MACROD2: variants seen among roughly 807,000 people sequenced by gnomAD.
MACROD2 encodes the protein ADP-ribose glycohydrolase MACROD2.
In MACROD2, 36 loss-of-function variants were observed where a neutral mutation model predicts 70.4. That is an observed-to-expected ratio of 0.51 (90% CI 0.39 to 0.68). MACROD2 has a LOEUF of 0.68. MACROD2 is among the 30% of genes least tolerant of loss of function. MACROD2 has a pLI of 0.00. For missense variants in MACROD2, 496 were observed against 538.4 expected (o/e 0.92, Z 0.78); for synonymous variants, 172 against 178.8 (o/e 0.96, Z 0.30).
rs190421260 is a variant in MACROD2 at position 14,428,633 on chromosome 20, G to A, written c.272-64846G>A. On this transcript the variant is annotated intron_variant, in intron 3 of 17. Coordinates refer to ENST00000684519, the MANE Select transcript of MACROD2 (RefSeq NM_001351661.2). ...TCTTTTGCAATCAATGTCGGCAATA[G>A]AGTTGATTTGCAGCAGTGTTATCTT... is the stretch of plus-strand genomic sequence containing the variant. Among the ~76,000 whole-genome samples, 4 of 152,240 alleles carry A rather than the reference G, an allele frequency of 2.6e-5. No homozygotes were observed. The East Asian group carries it at 7.7e-4, about 29-fold the overall frequency.
At chr20:15,084,091 G>GTTTTTTTGTT (rs1555780911) in intron 5 of MACROD2, among the ~76,000 whole-genome samples, 1 of 23,220 alleles carries the variant, frequency 4.3e-5, no homozygotes, top group Admixed American at 4.6e-4. Context: ...TTTTAATGAA[G>GTTTTTTTGTT]TTTTGCTCTT....
At chr20:14,941,147 A>G (rs899453836) in intron 5 of MACROD2, among the ~76,000 whole-genome samples, 1 of 152,048 alleles carries the variant, frequency 6.6e-6, no homozygotes, top group Non-Finnish European at 1.5e-5. Context: ...GGATTTATCC[A>G]TTTCTTCTAG....
intron 3 of MACROD2, among the ~76,000 whole-genome samples, chr20:14,330,827 C>T (rs551917254): frequency 1.3e-5 from 2 of 152,080 alleles, no homozygotes; most frequent in South Asian, 2.1e-4. Flanking sequence ...AAAACTGTTG[C>T]TTTCTCAGTG....
intron 15 of MACROD2, among the ~76,000 whole-genome samples, chr20:16,009,134 C>A (rs1266953709): frequency 6.6e-6 from 1 of 152,182 alleles, no homozygotes; most frequent in East Asian, 1.9e-4. Flanking sequence ...TGCAAACAAC[C>A]CCGAAATCTG....
intron 8 of MACROD2, among the ~76,000 whole-genome samples, chr20:15,570,539 A>G (rs763384623): frequency 3.9e-5 from 6 of 152,212 alleles, no homozygotes; most frequent in Admixed American, 6.5e-5. Context: ...TCTAGCAACT[A>G]AAAGTCCAGG....
At chr20:14,205,135 T>G (rs1481380432) in intron 3 of MACROD2, among the ~76,000 whole-genome samples, 2 of 152,198 alleles carry the variant, frequency 1.3e-5, no homozygotes, top group Non-Finnish European at 2.9e-5. Context: ...GAATCTGTAT[T>G]GTGGCATTAT....
intron 5 of MACROD2, among the ~76,000 whole-genome samples, chr20:15,115,518 C>G (rs758497312): frequency 2.0e-5 from 3 of 152,110 alleles, no homozygotes; most frequent in Admixed American, 6.5e-5. Context: ...GCCACTATAT[C>G]CAGCCTATTG....
intron 5 of MACROD2, among the ~76,000 whole-genome samples, chr20:14,846,475 T>C (rs947264998): frequency 4.6e-5 from 7 of 151,864 alleles, no homozygotes; most frequent in Admixed American, 2.0e-4. Flanking sequence ...TATTTCATTA[T>C]ATAAGGTAGA....
chr20:15,898,564 A>AAC (rs1555792322), intron 10 of MACROD2, among the ~76,000 whole-genome samples: 14 of 151,324 alleles, frequency 9.3e-5, no homozygotes, highest in Admixed American at 3.3e-4. Context: ...AAAAAAAAAA[A>AAC]AAAAAACAAA....
chr20:15,441,735 G>C (rs911634150), intron 7 of MACROD2, among the ~76,000 whole-genome samples: 2 of 152,202 alleles, frequency 1.3e-5, no homozygotes, highest in Non-Finnish European at 2.9e-5. Flanking sequence ...AGGTAAAAGT[G>C]ATTGAAGCCT....
At chr20:15,429,879 A>C (rs996569378) in intron 6 of MACROD2, among the ~76,000 whole-genome samples, 2 of 152,082 alleles carry the variant, frequency 1.3e-5, no homozygotes, top group Non-Finnish European at 1.5e-5. Flanking sequence ...CCGTCACTCT[A>C]ACAGTGTACA....
At chr20:15,500,549 C>T (rs1177595780) in intron 8 of MACROD2, among the ~76,000 whole-genome samples, 1 of 152,160 alleles carries the variant, frequency 6.6e-6, no homozygotes. Context: ...TCAGGCAATG[C>T]ACAGTCTTAT....
At chr20:15,847,228 C>A (rs548215973) in intron 8 of MACROD2, among the ~76,000 whole-genome samples, 3 of 152,044 alleles carry the variant, frequency 2.0e-5, no homozygotes, top group African/African-American at 7.2e-5. Context: ...ATAAATCATT[C>A]GGCTAAGCCC....
At chr20:15,874,386 T>C (rs2064636380) in intron 9 of MACROD2, among the ~76,000 whole-genome samples, 1 of 152,078 alleles carries the variant, frequency 6.6e-6, no homozygotes, top group South Asian at 2.1e-4. Flanking sequence ...CGTGTGCATG[T>C]GTCTTCATAG....
At chr20:15,882,935 TATCA>T (rs2064775459) in intron 9 of MACROD2, among the ~76,000 whole-genome samples, 1 of 151,990 alleles carries the variant, frequency 6.6e-6, no homozygotes, top group South Asian at 2.1e-4. Context: ...TAACTAGAAG[TATCA>T]ATCCTTCCTC....
At chr20:15,704,658 G>A (rs1466162981) in intron 8 of MACROD2, among the ~76,000 whole-genome samples, 11 of 152,202 alleles carry the variant, frequency 7.2e-5, no homozygotes, top group Admixed American at 7.2e-4. Context: ...AGGTGATGCT[G>A]AGGCTCCTGG....
At chr20:15,534,146 A>G (rs2047842503) in intron 8 of MACROD2, among the ~76,000 whole-genome samples, 1 of 152,216 alleles carries the variant, frequency 6.6e-6, no homozygotes, top group African/African-American at 2.4e-5. Context: ...ATGCTGATGG[A>G]ATAAACATGA....
intron 8 of MACROD2, among the ~76,000 whole-genome samples, chr20:15,846,126 T>C (rs925904295): frequency 1.3e-5 from 2 of 152,136 alleles, no homozygotes; most frequent in African/African-American, 4.8e-5. Context: ...ATATAAATAA[T>C]TGGGTAGAAT....
At chr20:14,460,295 C>T (rs559058986) in intron 3 of MACROD2, among the ~76,000 whole-genome samples, 33 of 152,238 alleles carry the variant, frequency 2.2e-4, no homozygotes, top group East Asian at 5.8e-4. Context: ...CTTGAGGAAT[C>T]GCCACACTGT....
Sources: allele counts gnomAD v4.1 joint callset (sites outside exome capture counted in the v4.1 genomes callset), GRCh38; gene constraint gnomAD v4.1.1; transcripts MANE v1.5; gene names NCBI Gene and HGNC (gene_info 2026-07-23, HGNC 2026-07-21).